Variants in AFF2 observed in about 807,000 individuals in gnomAD.
AFF2 encodes ALF transcription elongation factor 2.
In AFF2, 14 loss-of-function variants were observed where a neutral mutation model predicts 76.9. That is an observed-to-expected ratio of 0.18 (90% CI 0.12 to 0.28). The LOEUF is 0.28. AFF2 is among the 10% of genes least tolerant of loss of function. The pLI is 1.00. For synonymous variants in AFF2, 398 were observed against 366.7 expected (o/e 1.09, Z -0.98); for missense variants, 868 against 1,001.1 (o/e 0.87, Z 1.79).
intron 3 of AFF2, among the ~76,000 whole-genome samples, chrX:148,677,281 T>C (rs782589894): frequency 9.0e-6 from 1 of 111,572 alleles, no homozygotes; most frequent in South Asian, 3.8e-4. Flanking sequence ...AGTTTTTCCC[T>C]TTATCTCTTT....
intron 15 of AFF2, among the ~76,000 whole-genome samples, chrX:148,969,719 C>T (rs782042184): frequency 2.7e-3 from 300 of 111,231 alleles, no homozygotes; most frequent in Non-Finnish European, 4.5e-3. Context: ...GCAGAACCCA[C>T]GGATACAGAG....
chrX:148,836,440 C>A (rs2070526786), intron 4 of AFF2, among the ~76,000 whole-genome samples: 1 of 111,218 alleles, frequency 9.0e-6, no homozygotes, highest in South Asian at 3.8e-4. Flanking sequence ...CCTGAGAGTT[C>A]TTATTAATAT....
chrX:148,930,641 A>G (rs1040907561), intron 9 of AFF2, among the ~76,000 whole-genome samples: 2 of 112,448 alleles, frequency 1.8e-5, no homozygotes, highest in African/African-American at 3.2e-5. Context: ...TCAAATTTCA[A>G]TTGCGTTGGT....
chrX:148,937,080 C>T (rs1424442297), intron 9 of AFF2, among the ~76,000 whole-genome samples: 1 of 111,505 alleles, frequency 9.0e-6, no homozygotes, highest in African/African-American at 3.3e-5. Flanking sequence ...GAGAGGAGAC[C>T]ACAGTTAAGA....
chrX:148,520,848 C>G (rs1044212168), intron 1 of AFF2, among the ~76,000 whole-genome samples: 2 of 112,283 alleles, frequency 1.8e-5, no homozygotes, highest in African/African-American at 6.5e-5. Context: ...TTTGATCAAT[C>G]TCTTTCATTG....
intron 1 of AFF2, among the ~76,000 whole-genome samples, chrX:148,513,000 C>T (rs1557233312): frequency 9.0e-6 from 1 of 111,684 alleles, no homozygotes. Context: ...AGAACTACCA[C>T]ATCTACAGTG....
chrX:148,765,123 C>T (rs1266447778), intron 3 of AFF2, among the ~76,000 whole-genome samples: 1 of 111,916 alleles, frequency 8.9e-6, no homozygotes, highest in Non-Finnish European at 1.9e-5. Context: ...TGGGCCCGAG[C>T]GATCCTCACG....
At position 148,589,676 on chromosome X, in the gene AFF2, G is replaced by A. The variant is rs1204033494; in HGVS notation, c.48-62323G>A. On this transcript the variant is annotated intron_variant, in intron 1 of 20. Transcript: ENST00000370460. ...TGTCACCCAAGTGGCTCTAGGGTAT[G>A]CATTTGTTTCTCAGGAAAATTTCAC... 5.4e-5 allele frequency among the ~76,000 whole-genome samples: 6 copies of A among 110,688 alleles called. No homozygotes were observed. The Admixed American group carries it at 5.8e-4, about 11-fold the overall frequency.
chrX:148,911,023 T>A (rs2071462122), intron 9 of AFF2, among the ~76,000 whole-genome samples: 1 of 110,905 alleles, frequency 9.0e-6, no homozygotes, highest in African/African-American at 3.3e-5. Context: ...ATACTCATTT[T>A]AGAACAATAT....
At chrX:148,635,195 T>A (rs1332152160) in intron 1 of AFF2, among the ~76,000 whole-genome samples, 2 of 111,239 alleles carry the variant, frequency 1.8e-5, no homozygotes, top group Non-Finnish European at 3.8e-5. Flanking sequence ...CCTAAAGTAA[T>A]CATAAGGGCT....
intron 19 of AFF2, among the ~76,000 whole-genome samples, chrX:148,981,510 G>A (rs190412079): frequency 3.6e-5 from 4 of 111,009 alleles, no homozygotes; most frequent in South Asian, 3.9e-4. Flanking sequence ...CAATGCCCTC[G>A]AAGTCCCACT....
chrX:148,586,066 C>T (rs2053466265), intron 1 of AFF2, among the ~76,000 whole-genome samples: 1 of 110,747 alleles, frequency 9.0e-6, no homozygotes, highest in Non-Finnish European at 1.9e-5. Flanking sequence ...ATTTCTGCCT[C>T]TCGCCAACCC....
At chrX:148,935,586 T>C (rs1269672793) in intron 9 of AFF2, among the ~76,000 whole-genome samples, 1 of 111,630 alleles carries the variant, frequency 9.0e-6, no homozygotes, top group East Asian at 2.8e-4. Flanking sequence ...CCTGAAGCTC[T>C]CAGCGGACAC....
At chrX:148,774,703 T>C (rs1025300427) in intron 3 of AFF2, among the ~76,000 whole-genome samples, 38 of 112,088 alleles carry the variant, frequency 3.4e-4, no homozygotes, top group African/African-American at 1.2e-3. Context: ...TTTGTGAATA[T>C]GTTGGTTTTG....
intron 5 of AFF2, among the ~76,000 whole-genome samples, chrX:148,838,223 C>T (rs1557274009): frequency 8.9e-6 from 1 of 112,204 alleles, no homozygotes; most frequent in African/African-American, 3.2e-5. Flanking sequence ...TTTTTATTTA[C>T]CTTCTCTCAG....
chrX:148,812,571 G>T (rs145686349), intron 4 of AFF2, among the ~76,000 whole-genome samples: 144 of 111,209 alleles, frequency 1.3e-3, no homozygotes, highest in African/African-American at 4.5e-3. Flanking sequence ...GTTTGCATCT[G>T]CACCATGAAA....
At chrX:148,788,276 A>C (rs192513244) in intron 3 of AFF2, among the ~76,000 whole-genome samples, 1 of 112,295 alleles carries the variant, frequency 8.9e-6, no homozygotes, top group African/African-American at 3.2e-5. Context: ...TCTATAAAGC[A>C]GTATAGAATT....
At chrX:148,723,919 CT>C (rs782084454) in intron 3 of AFF2, among the ~76,000 whole-genome samples, 131 of 84,500 alleles carry the variant, frequency 1.6e-3, no homozygotes, top group Admixed American at 3.9e-3. Context: ...TTTCTTTTTT[CT>C]TTTTTTTTTT....
chrX:148,597,508 G>A (rs1324516078), intron 1 of AFF2, among the ~76,000 whole-genome samples: 3 of 112,111 alleles, frequency 2.7e-5, no homozygotes, highest in Middle Eastern at 4.7e-3. Context: ...AGCATGATCC[G>A]CAGGACTAAA....
Sources: gnomAD v4.1 joint callset for allele counts (sites outside exome capture counted in the v4.1 genomes callset) on GRCh38, gnomAD v4.1.1 for gene constraint, MANE v1.5 for transcripts, NCBI Gene and HGNC (gene_info 2026-07-23, HGNC 2026-07-21) for gene names.